MYO3A: variants seen among roughly 807,000 people sequenced by gnomAD.
MYO3A encodes the protein myosin-IIIa.
A neutral mutation model predicts 192.7 loss-of-function variants in MYO3A; 180 were observed. The ratio of observed to expected loss-of-function variants is 0.93; its 90% confidence interval spans 0.83 to 1.06. The LOEUF is 1.06. Ranked by LOEUF, MYO3A falls within the 50% of genes least tolerant of loss-of-function variation. The pLI is 0.00. For synonymous variants in MYO3A, 628 were observed against 645.3 expected (o/e 0.97, Z 0.41); for missense variants, 1,896 against 1,905.0 (o/e 1.00, Z 0.09).
At chr10:26,003,928 G>C (rs1212631473) in intron 6 of MYO3A, among the ~76,000 whole-genome samples, 1 of 152,124 alleles carries the variant, frequency 6.6e-6, no homozygotes, top group Non-Finnish European at 1.5e-5. Context: ...GCATAATGTA[G>C]GTCAAAGAGA....
At chr10:26,193,017 C>A (rs1843224928) in intron 31 of MYO3A, among the ~76,000 whole-genome samples, 188 bp from the exon 32 acceptor site, 1 of 152,054 alleles carries the variant, frequency 6.6e-6, no homozygotes. Flanking sequence ...CCTAGACCAC[C>A]AGACAACTAG....
intron 26 of MYO3A, among the ~76,000 whole-genome samples, chr10:26,161,672 A>G (rs141763283): frequency 2.6e-5 from 4 of 152,364 alleles, no homozygotes; most frequent in African/African-American, 7.2e-5. Flanking sequence ...AACAATATCT[A>G]CATTATATAT....
At chr10:26,085,050 T>C (rs1836222804) in intron 14 of MYO3A, among the ~76,000 whole-genome samples, 1 of 152,198 alleles carries the variant, frequency 6.6e-6, no homozygotes, top group Non-Finnish European at 1.5e-5. Context: ...TGCTTGTAGA[T>C]AATTGTTCAT....
intron 30 of MYO3A, among the ~76,000 whole-genome samples, chr10:26,176,439 G>C (rs1402183417): frequency 6.6e-6 from 1 of 152,180 alleles, no homozygotes; most frequent in Non-Finnish European, 1.5e-5. Context: ...GGAAGGAGTC[G>C]ATCAGAACAG....
intron 10 of MYO3A, among the ~76,000 whole-genome samples, chr10:26,058,407 T>C (rs751479254): frequency 8.5e-5 from 13 of 152,232 alleles, no homozygotes; most frequent in Non-Finnish European, 1.8e-4. Context: ...TCTTTGTTGC[T>C]TCCAGTTTTG....
At chr10:26,082,808 G>C (rs1348796524) in intron 14 of MYO3A, among the ~76,000 whole-genome samples, 3 of 150,502 alleles carry the variant, frequency 2.0e-5, no homozygotes, top group Non-Finnish European at 4.4e-5. Context: ...TGTTTCAGGG[G>C]ATCCCTTGCT....
intron 4 of MYO3A, among the ~76,000 whole-genome samples, chr10:25,973,406 A>G (rs1838779973): frequency 6.6e-6 from 1 of 152,198 alleles, no homozygotes; most frequent in Admixed American, 6.5e-5. Flanking sequence ...TTTTCTAAAT[A>G]TAGAATCATG....
intron 26 of MYO3A, among the ~76,000 whole-genome samples, chr10:26,157,918 T>G (rs1469701054): frequency 6.6e-6 from 1 of 152,028 alleles, no homozygotes; most frequent in East Asian, 1.9e-4. Context: ...TGTAGGGGCG[T>G]GGGGGGATGC....
intron 15 of MYO3A, among the ~76,000 whole-genome samples, chr10:26,090,187 A>G (rs1588935800): frequency 1.3e-5 from 2 of 152,366 alleles, no homozygotes; most frequent in Middle Eastern, 3.4e-3. Context: ...ACTAATTGGT[A>G]GATGGCACCA....
intron 10 of MYO3A, among the ~76,000 whole-genome samples, chr10:26,053,529 A>G (rs1275465711): frequency 2.0e-5 from 3 of 152,192 alleles, no homozygotes; most frequent in African/African-American, 7.2e-5. Flanking sequence ...GATGCATGCT[A>G]AAGAAAAATA....
chr10:26,114,606 T>C (rs1466651005), intron 17 of MYO3A, among the ~76,000 whole-genome samples: 7 of 152,114 alleles, frequency 4.6e-5, no homozygotes, highest in Admixed American at 4.6e-4. Flanking sequence ...CTGAGAAAGA[T>C]AAGTAGAAAC....
intron 4 of MYO3A, among the ~76,000 whole-genome samples, chr10:25,960,274 T>C (rs780018237): frequency 6.6e-6 from 1 of 152,126 alleles, no homozygotes; most frequent in African/African-American, 2.4e-5. Flanking sequence ...AAATGTATAA[T>C]AGTATTTTCA....
At chr10:25,935,562 T>C (rs1836004953) in intron 1 of MYO3A, among the ~76,000 whole-genome samples, 182 bp from the exon 2 acceptor site, 1 of 152,244 alleles carries the variant, frequency 6.6e-6, no homozygotes, top group African/African-American at 2.4e-5. Flanking sequence ...TGCCAGCATA[T>C]GAAATGAGGG....
chr10:26,063,744 G>C (rs1327223227), intron 10 of MYO3A, among the ~76,000 whole-genome samples: 1 of 152,200 alleles, frequency 6.6e-6, no homozygotes, highest in Admixed American at 6.5e-5. Context: ...AGATTGGGCT[G>C]AGGAGGAAAC....
intron 10 of MYO3A, among the ~76,000 whole-genome samples, chr10:26,065,156 C>T (rs184744120): frequency 1.3e-5 from 2 of 152,290 alleles, no homozygotes; most frequent in Non-Finnish European, 1.5e-5. Flanking sequence ...TATTCAAGAA[C>T]GCCTTTGTTA....
At chr10:26,069,087 G>A (rs768970827) in intron 12 of MYO3A, among the ~76,000 whole-genome samples, 7 of 152,012 alleles carry the variant, frequency 4.6e-5, no homozygotes, top group East Asian at 1.9e-4. Flanking sequence ...CTCCAAATGC[G>A]TGTGCCAGAG....
chr10:25,936,715 G>GT (rs1836093050), intron 2 of MYO3A, among the ~76,000 whole-genome samples: 2 of 152,098 alleles, frequency 1.3e-5, no homozygotes, highest in Non-Finnish European at 2.9e-5. Context: ...CATTGGACAC[G>GT]TAATTTCTAC....
intron 10 of MYO3A, among the ~76,000 whole-genome samples, chr10:26,042,183 G>A (rs1843388926): frequency 1.3e-5 from 2 of 152,068 alleles, no homozygotes; most frequent in Admixed American, 1.3e-4. Flanking sequence ...AAATTCAGCT[G>A]CCAAATGTAT....
intron 32 of MYO3A, among the ~76,000 whole-genome samples, chr10:26,197,149 G>A (rs137995230): frequency 1.6e-3 from 247 of 152,308 alleles, no homozygotes; most frequent in African/African-American, 5.5e-3. Flanking sequence ...CGTAGCCCAG[G>A]AGACACGAGC....
Sources: allele counts gnomAD v4.1 joint callset (sites outside exome capture counted in the v4.1 genomes callset), GRCh38; gene constraint gnomAD v4.1.1; transcripts MANE v1.5; gene names NCBI Gene and HGNC (gene_info 2026-07-23, HGNC 2026-07-21).